The following BTRC variants were observed in gnomAD, a reference collection of about 807,000 sequenced individuals.
The protein encoded by BTRC is F-box/WD repeat-containing protein 1A.
BTRC carries 42 observed loss-of-function variants against 85.5 expected under a neutral mutation model. The ratio of observed to expected loss-of-function variants is 0.49; its 90% CI spans 0.38 to 0.64. BTRC has a LOEUF of 0.64. BTRC is among the 30% of genes least tolerant of loss of function. BTRC has a pLI of 0.00. For missense variants in BTRC, 594 were observed against 743.5 expected (o/e 0.80, Z 2.34); for synonymous variants, 255 against 263.3 (o/e 0.97, Z 0.30).
intron 6 of BTRC, among the ~76,000 whole-genome samples, chr10:101,528,271 G>T (rs1037012379): frequency 1.3e-5 from 2 of 151,420 alleles, no homozygotes; most frequent in African/African-American, 4.8e-5. Context: ...CAAGAAGTAA[G>T]TGGGCAGTTC....
intron 13 of BTRC, 124 bp downstream of exon 13, chr10:101,538,495 G>C (rs2062420142): frequency 3.7e-6 from 3 of 809,040 alleles, no homozygotes; most frequent in Admixed American, 2.3e-5. Context: ...CAACTAAGTG[G>C]TAAGGCAACC....
At chr10:101,378,681 C>T (rs138970392) in intron 1 of BTRC, among the ~76,000 whole-genome samples, 10,095 of 151,914 alleles carry the variant, frequency 0.066, 355 homozygotes, top group Non-Finnish European at 0.074. Flanking sequence ...TGAGCCACCA[C>T]GCCCGGCTAA....
chr10:101,389,900 T>C (rs1943193662), intron 1 of BTRC, among the ~76,000 whole-genome samples: 1 of 152,164 alleles, frequency 6.6e-6, no homozygotes, highest in Non-Finnish European at 1.5e-5. Flanking sequence ...GTTGAGATTA[T>C]AGGTATGAGC....
intron 1 of BTRC, among the ~76,000 whole-genome samples, chr10:101,398,968 T>G (rs1196460712): frequency 6.6e-6 from 1 of 152,178 alleles, no homozygotes; most frequent in African/African-American, 2.4e-5. Context: ...TTTTTTTTCT[T>G]TTGAGATAGA....
intron 4 of BTRC, among the ~76,000 whole-genome samples, chr10:101,520,679 C>CG (rs1284873321): frequency 1.1e-4 from 16 of 152,098 alleles, no homozygotes; most frequent in Admixed American, 1.0e-3. Flanking sequence ...AGTTGTTGGC[C>CG]GGGCACGGTG....
rs1054103864 is a variant in BTRC at position 101,438,253 on chromosome 10, C to T, written c.156+7801C>T. On this transcript the variant is annotated intron_variant, in intron 2 of 14. Transcript: ENST00000370187. ...CATCCTGGCTAATGCGGTGAAACCCCGTCTTTACTAAAAATACAAAAATTA... is the reference window on the plus strand; with the variant it reads ...CATCCTGGCTAATGCGGTGAAACCCTGTCTTTACTAAAAATACAAAAATTA... Among the ~76,000 whole-genome samples, 6 of 151,648 alleles carry T rather than the reference C, an allele frequency of 4.0e-5. No homozygotes were observed. In the East Asian group the frequency reaches 1.2e-3, roughly 29 times the overall value.
At chr10:101,461,519 A>G (rs563058174) in intron 2 of BTRC, among the ~76,000 whole-genome samples, 1 of 152,324 alleles carries the variant, frequency 6.6e-6, no homozygotes, top group Non-Finnish European at 1.5e-5. Flanking sequence ...TACTTTTATC[A>G]AAGAAAATAA....
chr10:101,478,302 A>G, intron 3 of BTRC, among the ~76,000 whole-genome samples: 1 of 147,444 alleles, frequency 6.8e-6, no homozygotes, highest in East Asian at 2.0e-4. Flanking sequence ...CTCCATCTCA[A>G]AAAAAAAAAA....
intron 1 of BTRC, among the ~76,000 whole-genome samples, chr10:101,385,171 C>A (rs1301733286): frequency 6.6e-6 from 1 of 151,310 alleles, no homozygotes; most frequent in Non-Finnish European, 1.5e-5. Context: ...GCATTCCAGC[C>A]TGGGACACAG....
intron 1 of BTRC, among the ~76,000 whole-genome samples, chr10:101,368,623 G>T (rs955781071): frequency 6.6e-6 from 1 of 151,850 alleles, no homozygotes; most frequent in African/African-American, 2.4e-5. Context: ...AGGACTACAG[G>T]CATGTGCCAC....
intron 1 of BTRC, among the ~76,000 whole-genome samples, chr10:101,412,696 A>G (rs1943815197): frequency 6.6e-6 from 1 of 152,234 alleles, no homozygotes; most frequent in Non-Finnish European, 1.5e-5. Flanking sequence ...TTCAGTTACC[A>G]TAGTATATTA....
rs115953200 is a variant in BTRC at position 101,490,570 on chromosome 10, T to G, written c.324+11113T>G. Reference sequence around the variant, plus strand: ...CACTAGATTGCCTTTCAGGTAGTATTTGGAGGCCTCTGCACCTCTCCTACC... The same window carrying G: ...CACTAGATTGCCTTTCAGGTAGTATGTGGAGGCCTCTGCACCTCTCCTACC... On this transcript the variant is annotated intron_variant, in intron 4 of 14. Transcript: ENST00000370187. 3.5e-3 allele frequency among the ~76,000 whole-genome samples: 538 copies of G among 152,314 alleles called. 3 individuals are homozygous for G. Among genetic ancestry groups the G allele is most frequent in the African/African-American group, 0.012 (517 of 41,574 alleles).
chr10:101,475,934 TA>T (rs1173173282), intron 3 of BTRC, among the ~76,000 whole-genome samples: 7 of 117,218 alleles, frequency 6.0e-5, no homozygotes, highest in South Asian at 2.6e-4. Context: ...TATATATATA[TA>T]TATATATATA....
At chr10:101,385,602 T>G (rs556543460) in intron 1 of BTRC, among the ~76,000 whole-genome samples, 225 of 133,072 alleles carry the variant, frequency 1.7e-3, no homozygotes, top group South Asian at 3.0e-3. Flanking sequence ...TTCTTTGTTC[T>G]TTCTTTCTTC....
chr10:101,548,347 T>C (rs1414655847), intron 13 of BTRC, among the ~76,000 whole-genome samples: 2 of 152,190 alleles, frequency 1.3e-5, no homozygotes, highest in South Asian at 4.1e-4. Flanking sequence ...AACAAGAGAA[T>C]AGATGGATTG....
chr10:101,492,968 T>C (rs1946172040), intron 4 of BTRC, among the ~76,000 whole-genome samples: 1 of 152,148 alleles, frequency 6.6e-6, no homozygotes, highest in Non-Finnish European at 1.5e-5. Context: ...ATAAAACTGA[T>C]TTTTTAGTCA....
intron 1 of BTRC, among the ~76,000 whole-genome samples, chr10:101,373,407 T>C (rs1454702338): frequency 6.6e-6 from 1 of 152,136 alleles, no homozygotes; most frequent in Non-Finnish European, 1.5e-5. Flanking sequence ...CATTCAAGGA[T>C]ATTCTGGAGA....
intron 1 of BTRC, among the ~76,000 whole-genome samples, chr10:101,368,575 G>A (rs11190970): frequency 0.16 from 22,473 of 144,490 alleles, 2,034 homozygotes; most frequent in Middle Eastern, 0.23. Flanking sequence ...GAACTCCTGG[G>A]TTCAAGCTGT....
At chr10:101,395,840 AGGGGACTAATG>A (rs1157556748) in intron 1 of BTRC, among the ~76,000 whole-genome samples, 4 of 152,136 alleles carry the variant, frequency 2.6e-5, no homozygotes, top group Non-Finnish European at 5.9e-5. Flanking sequence ...ACATGCCTGT[AGGGGACTAATG>A]GGAAATTTAG....
Sources: allele counts gnomAD v4.1 joint callset (sites outside exome capture counted in the v4.1 genomes callset), GRCh38; gene constraint gnomAD v4.1.1; transcripts MANE v1.5; gene names NCBI Gene and HGNC (gene_info 2026-07-23, HGNC 2026-07-21).